ANO1: variants seen among roughly 807,000 people sequenced by gnomAD.
ANO1 encodes the protein anoctamin-1.
A neutral mutation model predicts 124.0 loss-of-function variants in ANO1; 59 were observed. That is an observed-to-expected ratio of 0.48 (90% confidence interval 0.39 to 0.59). The LOEUF is 0.59. Among genes scored for constraint, ANO1 ranks in the 20% least tolerant of loss-of-function variants. The pLI is 0.00. For missense variants in ANO1, 1,059 were observed against 1,328.0 expected, an observed-to-expected ratio of 0.80 and a Z score of 3.15; for synonymous variants, 529 against 532.0, an observed-to-expected ratio of 0.99 and a Z score of 0.08.
chr11:70,140,260 T>C (rs528034941), intron 11 of ANO1, among the ~76,000 whole-genome samples: 38 of 152,294 alleles, frequency 2.5e-4, no homozygotes, highest in Admixed American at 5.2e-4. Flanking sequence ...CCGGGCTCAG[T>C]GACTCACATC....
chr11:70,176,691 C>CT (rs1239790177), intron 22 of ANO1, among the ~76,000 whole-genome samples: 1 of 152,174 alleles, frequency 6.6e-6, no homozygotes, highest in Non-Finnish European at 1.5e-5. Context: ...TCCGACCCTC[C>CT]TCCCGCCCCC....
Position 70,174,937 on chromosome 11 carries a change from AAAG to A in ANO1, c.2350+3901_2350+3903del, listed in dbSNP as rs1446070463. Among the ~76,000 whole-genome samples the A allele has an allele frequency of 5.3e-5, 8 of 152,082 alleles. No homozygotes were observed. In the East Asian group the frequency reaches 1.6e-3, roughly 30 times the overall value. On this transcript the variant is annotated intron_variant, in intron 22 of 25. Coordinates refer to ENST00000355303, the MANE Select transcript of ANO1 (RefSeq NM_018043.7). Reference sequence around the variant, plus strand: ...AGAAAAGAAAAAAGAAAAGAAAAGAAAAGAAAAGAAGAGTGCAGCCCACACTGA... The same window carrying A: ...AGAAAAGAAAAAAGAAAAGAAAAGAAAAAAGAAGAGTGCAGCCCACACTGA...
intron 2 of ANO1, among the ~76,000 whole-genome samples, chr11:70,095,412 AAGAAAG>A (rs2044894264): frequency 1.4e-5 from 1 of 70,550 alleles, no homozygotes; most frequent in African/African-American, 4.3e-5. Context: ...GAAAGAAAGA[AAGAAAG>A]AAAGAAAGAA....
intron 2 of ANO1, among the ~76,000 whole-genome samples, chr11:70,096,370 G>T (rs978333030): frequency 6.6e-6 from 1 of 152,048 alleles, no homozygotes; most frequent in Admixed American, 6.6e-5. Context: ...GTATCGGTCC[G>T]TGGCCTTTTA....
chr11:69,995,770 C>A (rs1856257785), intron 1 of ANO1, among the ~76,000 whole-genome samples: 2 of 152,188 alleles, frequency 1.3e-5, no homozygotes, highest in African/African-American at 4.8e-5. Context: ...GATCACCTGG[C>A]TGCTTCTCCA....
chr11:70,079,680 A>G (rs903563500), intron 1 of ANO1, among the ~76,000 whole-genome samples: 3 of 152,300 alleles, frequency 2.0e-5, no homozygotes, highest in African/African-American at 7.2e-5. Flanking sequence ...GACCCCATCA[A>G]AGCCCCTCCC....
chr11:70,019,630 G>A (rs959179370), intron 1 of ANO1, among the ~76,000 whole-genome samples: 1 of 152,194 alleles, frequency 6.6e-6, no homozygotes, highest in African/African-American at 2.4e-5. Flanking sequence ...TGATGGGAAG[G>A]TTTACACCTC....
intron 1 of ANO1, among the ~76,000 whole-genome samples, chr11:70,053,699 C>A (rs1309533548): frequency 6.6e-6 from 1 of 152,068 alleles, no homozygotes; most frequent in African/African-American, 2.4e-5. Context: ...TTTTCAGGTT[C>A]AAATTCATTG....
At position 70,095,358 on chromosome 11, in the gene ANO1, G is replaced by GAA. The variant is rs1491084365; in HGVS notation, c.441+7276_441+7277dup. Among the ~76,000 whole-genome samples, 14 of 15,266 alleles carry GAA rather than the reference G, an allele frequency of 9.2e-4. 1 individual carries two copies. The highest frequency in any genetic ancestry group is 8.6e-4 in the Admixed American group (1 of 1,158). The allele number at this position is 15,266 out of a possible 152,430, so 10.0% of individuals were successfully genotyped here. The stretch of plus-strand genomic sequence containing the variant: ...GGAAAGAGAAAGAAAAAGAAAGAAA[G>GAA]AAAGAAAGAAAGAAAGAAAGAAAGA... On this transcript the variant is annotated intron_variant, in intron 2 of 25. Coordinates refer to ENST00000355303, the MANE Select transcript of ANO1 (RefSeq NM_018043.7).
At chr11:70,136,794 G>C (rs1412926159) in intron 11 of ANO1, among the ~76,000 whole-genome samples, 1 of 148,016 alleles carries the variant, frequency 6.8e-6, no homozygotes, top group African/African-American at 2.4e-5. Context: ...GACACGCACA[G>C]AAATCAGCAT....
upstream of ANO1, among the ~76,000 whole-genome samples, chr11:69,982,757 G>A (rs1855970270): frequency 6.6e-6 from 1 of 152,206 alleles, no homozygotes; most frequent in South Asian, 2.1e-4. Context: ...TGGACCTGGA[G>A]GGCTGGGGCT....
chr11:70,095,422 GAAA>G (rs2044900900), intron 2 of ANO1, among the ~76,000 whole-genome samples: 1 of 49,706 alleles, frequency 2.0e-5, no homozygotes, highest in Non-Finnish European at 5.1e-5. Context: ...AAGAAAGAAA[GAAA>G]GAAAAGAAAA....
intron 7 of ANO1, among the ~76,000 whole-genome samples, chr11:70,113,413 C>CT (rs2045864899): frequency 6.6e-6 from 1 of 152,192 alleles, no homozygotes; most frequent in Admixed American, 6.5e-5. Context: ...GTTCAGGCCC[C>CT]TAGACCAGGG....
intron 1 of ANO1, among the ~76,000 whole-genome samples, chr11:70,022,222 T>C (rs1856822394): frequency 6.6e-6 from 1 of 152,108 alleles, no homozygotes; most frequent in Admixed American, 6.5e-5. Flanking sequence ...CCCATGAAGG[T>C]AGGGTCTTGG....
chr11:70,075,458 T>G (rs545604019), upstream of ANO1: 1 of 138,706 alleles, frequency 7.2e-6, no homozygotes, highest in Non-Finnish European at 1.5e-5. Flanking sequence ...TCATGAAGCA[T>G]TCCATATTTA....
chr11:70,018,021 G>A (rs913388123), intron 1 of ANO1, among the ~76,000 whole-genome samples: 4 of 151,994 alleles, frequency 2.6e-5, no homozygotes, highest in Non-Finnish European at 5.9e-5. Flanking sequence ...TACATAGTTT[G>A]TGGGGCCCAG....
At chr11:70,109,353 C>T (rs1310652922) in intron 6 of ANO1, among the ~76,000 whole-genome samples, 1 of 152,176 alleles carries the variant, frequency 6.6e-6, no homozygotes, top group Admixed American at 6.5e-5. Flanking sequence ...AGAGAGAAGA[C>T]GAACCCTCGA....
intron 1 of ANO1, among the ~76,000 whole-genome samples, chr11:69,988,680 T>G (rs1322429686): frequency 1.3e-5 from 2 of 152,192 alleles, no homozygotes; most frequent in Non-Finnish European, 2.9e-5. Context: ...ACTTAGCAGC[T>G]CCTTAGTTAT....
rs1255131014 is a variant in ANO1, at chr11:70,066,134, C to CTGAA, written c.59-12389_59-12386dup. Among the ~76,000 whole-genome samples the CTGAA allele has an allele frequency of 1.6e-4, 24 of 152,252 alleles. No individual in the cohort carries two copies. In the East Asian group the frequency reaches 2.1e-3, roughly 13 times the overall value. ...CTGTGTCTGGCACATAGAAGTGTCG[C>CTGAA]TGAATGAATGAATGAATGAATGTCC... On this transcript the variant is annotated intron_variant, in intron 1 of 27. Coordinates refer to the ANO1 transcript ENST00000531349.
Sources: gnomAD v4.1 joint callset for allele counts (sites outside exome capture counted in the v4.1 genomes callset) on GRCh38, gnomAD v4.1.1 for gene constraint, MANE v1.5 for transcripts, NCBI Gene and HGNC (gene_info 2026-07-23, HGNC 2026-07-21) for gene names.